The following PTAR1 variants were observed in gnomAD, a reference collection of about 807,000 sequenced individuals.
PTAR1 encodes the protein protein prenyltransferase alpha subunit repeat containing 1.
A neutral mutation model predicts 45.5 loss-of-function variants in PTAR1; 17 were observed. The observed-to-expected ratio is 0.37, with a 90% CI of 0.26 to 0.56. PTAR1 has a LOEUF of 0.56. Among genes scored for constraint, PTAR1 ranks in the 20% least tolerant of loss-of-function variants. The pLI is 0.77. For synonymous variants in PTAR1, 169 were observed against 171.3 expected, an observed-to-expected ratio of 0.99 and a Z score of 0.11; for missense variants, 391 against 476.3, an observed-to-expected ratio of 0.82 and a Z score of 1.67.
At position 69,710,311 on chromosome 9, in the gene PTAR1, T is replaced by C. The variant is rs941168073; in HGVS notation, c.*8031A>G. 6.6e-6 allele frequency: 1 copy of C among 152,174 alleles called. No individual in the cohort carries two copies. The highest frequency in any genetic ancestry group is 2.4e-5 in the African/African-American group (1 of 41,462). 9.4% of individuals were successfully genotyped at this position (152,174 alleles called of 1,614,324 possible). The stretch of plus-strand genomic sequence containing the variant: ...TTCATTAATAATCTTTTATATTGAT[T>C]ACATGTTGAAATGATATTTTTAATA... On this transcript the variant is annotated 3_prime_UTR_variant, in exon 8 of 8. Coordinates refer to ENST00000340434, the MANE Select transcript of PTAR1 (RefSeq NM_001099666.2).
intron 1 of PTAR1, among the ~76,000 whole-genome samples, chr9:69,758,859 TAAAAAAA>T (rs34814489): frequency 6.9e-6 from 1 of 145,392 alleles, no homozygotes; most frequent in Non-Finnish European, 1.5e-5. Flanking sequence ...AATAATAAAC[TAAAAAAA>T]AAAAAAATAA....
intron 2 of PTAR1, among the ~76,000 whole-genome samples, 198 bp from the exon 3 acceptor site, chr9:69,742,056 G>T (rs1223506872): frequency 6.6e-6 from 1 of 152,064 alleles, no homozygotes; most frequent in Non-Finnish European, 1.5e-5. Flanking sequence ...CCTGGTAAGT[G>T]TAACTCTCTT....
chr9:69,728,557 G>C (rs1318650421), intron 5 of PTAR1, among the ~76,000 whole-genome samples: 1 of 152,202 alleles, frequency 6.6e-6, no homozygotes, highest in East Asian at 1.9e-4. Context: ...GTTTTGCTTT[G>C]CATTTCCCTA....
Position 69,709,918 on chromosome 9 carries a change from C to T in PTAR1, c.*8424G>A, listed in dbSNP as rs763926724. ...AAATTTGTTAATGTAGTATAATCAG[C>T]ATATCATGGTATTTTACATGGTATG... On this transcript the variant is annotated 3_prime_UTR_variant, in exon 8 of 8. Transcript: ENST00000340434. 7.2e-5 allele frequency: 11 copies of T among 152,090 alleles called. No homozygotes were observed. The highest frequency in any genetic ancestry group is 1.0e-4 in the Non-Finnish European group (7 of 68,000). The allele number at this position is 152,090 out of a possible 1,614,324, so 9.4% of individuals were successfully genotyped here. A position where few individuals can be genotyped will look rare whatever the true frequency, so the allele number is the denominator to read the frequency against.
At chr9:69,725,138 T>C (rs1456552338) in intron 5 of PTAR1, among the ~76,000 whole-genome samples, 1 of 152,208 alleles carries the variant, frequency 6.6e-6, no homozygotes, top group Non-Finnish European at 1.5e-5. Flanking sequence ...AGCTTTTTTA[T>C]TTTGGCATGG....
chr9:69,721,321 C>A (rs759456645), intron 6 of PTAR1, among the ~76,000 whole-genome samples: 1 of 151,922 alleles, frequency 6.6e-6, no homozygotes, highest in African/African-American at 2.4e-5. Flanking sequence ...GGAAGTGGGG[C>A]GTGAAGATGT....
At chr9:69,747,431 A>G (rs2134154535) in intron 2 of PTAR1, among the ~76,000 whole-genome samples, 1 of 152,334 alleles carries the variant, frequency 6.6e-6, no homozygotes, top group African/African-American at 2.4e-5. Flanking sequence ...CATGGAAGTA[A>G]GGCAGTAGTA....
intron 2 of PTAR1, 146 bp downstream of exon 2, chr9:69,750,635 T>G (rs764517723): frequency 2.0e-5 from 11 of 563,482 alleles, no homozygotes; most frequent in Non-Finnish European, 3.0e-6. Context: ...ACTACTCACT[T>G]GACAGAAAGG....
At chr9:69,723,277 C>A in intron 6 of PTAR1, 49 bp downstream of exon 6, 1 of 1,490,688 alleles carries the variant, frequency 6.7e-7, no homozygotes, top group South Asian at 1.2e-5. Context: ...CTGCAGCTCT[C>A]ATGAAGACAT....
Position 69,715,132 on chromosome 9 carries a change from A to G in PTAR1, c.*3210T>C, listed in dbSNP as rs965830851. 5 of 152,116 alleles carry G rather than the reference A, an allele frequency of 3.3e-5. No individual in the cohort carries two copies. The highest frequency in any genetic ancestry group is 5.9e-5 in the Non-Finnish European group (4 of 68,006). The allele number at this position is 152,116 out of a possible 1,614,324, so 9.4% of individuals were successfully genotyped here. A position where few individuals can be genotyped will look rare whatever the true frequency, so the allele number is the denominator to read the frequency against. ...AAATTTTTAATATATATTATAATAC[A>G]GTTAATTGACAATTACAGAGCTGCA... is the stretch of plus-strand genomic sequence containing the variant. On this transcript the variant is annotated 3_prime_UTR_variant, in exon 8 of 8. Coordinates refer to ENST00000340434, the MANE Select transcript of PTAR1 (RefSeq NM_001099666.2).
chr9:69,719,101 A>G (rs921004876), intron 6 of PTAR1, among the ~76,000 whole-genome samples: 1 of 152,196 alleles, frequency 6.6e-6, no homozygotes, highest in Non-Finnish European at 1.5e-5. Context: ...AAATAAGGGG[A>G]ATGAACAGTT....
intron 3 of PTAR1, among the ~76,000 whole-genome samples, chr9:69,735,630 A>G (rs1825753703): frequency 1.3e-5 from 2 of 152,166 alleles, no homozygotes; most frequent in South Asian, 2.1e-4. Context: ...TAAGTTTTTG[A>G]TAAGTGCTGA....
rs1254575723 is a variant in PTAR1 at position 69,714,382 on chromosome 9, T to G, written c.*3960A>C. 1 of 149,752 alleles carries G rather than the reference T, an allele frequency of 6.7e-6. No individual in the cohort carries two copies. Among genetic ancestry groups the G allele is most frequent in the Non-Finnish European group, 1.5e-5 (1 of 66,276 alleles). The allele number at this position is 149,752 out of a possible 1,614,324, so 9.3% of individuals were successfully genotyped here. ...CTTTACAACTAAATCTTTAGCATCT[T>G]CTATAACTCAGGGGAACTAAGGTAG... On this transcript the variant is annotated 3_prime_UTR_variant, in exon 8 of 8. Coordinates refer to ENST00000340434, the MANE Select transcript of PTAR1 (RefSeq NM_001099666.2).
At chr9:69,742,561 G>A (rs1197284176) in intron 2 of PTAR1, among the ~76,000 whole-genome samples, 1 of 151,750 alleles carries the variant, frequency 6.6e-6, no homozygotes, top group East Asian at 1.9e-4. Flanking sequence ...TTTTTGTCTT[G>A]TAGGCTATTT....
At chr9:69,720,142 G>C (rs1267657726) in intron 6 of PTAR1, among the ~76,000 whole-genome samples, 3 of 152,170 alleles carry the variant, frequency 2.0e-5, no homozygotes, top group Non-Finnish European at 4.4e-5. Context: ...AGGAAGGCAT[G>C]TCCAAAGGTG....
intron 6 of PTAR1, 90 bp from the exon 7 acceptor site, chr9:69,718,774 T>C: frequency 1.0e-6 from 1 of 981,746 alleles, no homozygotes; most frequent in Non-Finnish European, 1.5e-6. Context: ...TTTCAAAACA[T>C]ACAGTATTCA....
At chr9:69,723,836 A>AT (rs375334329) in intron 5 of PTAR1, among the ~76,000 whole-genome samples, 2,590 of 151,720 alleles carry the variant, frequency 0.017, 82 homozygotes, top group African/African-American at 0.059. Context: ...AAAGTGATAG[A>AT]TTTTTTTTTA....
intron 2 of PTAR1, among the ~76,000 whole-genome samples, chr9:69,744,656 CATTA>C (rs1826194352): frequency 6.6e-6 from 1 of 152,118 alleles, no homozygotes; most frequent in African/African-American, 2.4e-5. Context: ...AAAGTGCTGG[CATTA>C]CAGGTGTGAG....
chr9:69,753,295 C>G (rs1255594381), intron 1 of PTAR1, among the ~76,000 whole-genome samples: 1 of 152,114 alleles, frequency 6.6e-6, no homozygotes, highest in African/African-American at 2.4e-5. Flanking sequence ...TCTGTTCTTT[C>G]AAGAAATACT....
Sources: gnomAD v4.1 joint callset for allele counts (sites outside exome capture counted in the v4.1 genomes callset) on GRCh38, gnomAD v4.1.1 for gene constraint, MANE v1.5 for transcripts, NCBI Gene and HGNC (gene_info 2026-07-23, HGNC 2026-07-21) for gene names.